MRPL1: variants seen among roughly 807,000 people sequenced by gnomAD.
MRPL1 encodes large ribosomal subunit protein uL1m.
A neutral mutation model predicts 38.0 loss-of-function variants in MRPL1; 28 were observed. That is an observed-to-expected ratio of 0.74 (90% CI 0.55 to 1.01). The LOEUF is 1.01. Ranked by LOEUF, MRPL1 falls within the 50% of genes least tolerant of loss-of-function variation. MRPL1 has a pLI of 0.00. For synonymous variants in MRPL1, 123 were observed against 126.7 expected, an observed-to-expected ratio of 0.97 and a Z score of 0.20; for missense variants, 358 against 389.8, an observed-to-expected ratio of 0.92 and a Z score of 0.69.
At chr4:77,943,551 G>A (rs1737182925) in intron 7 of MRPL1, among the ~76,000 whole-genome samples, 2 of 151,770 alleles carry the variant, frequency 1.3e-5, no homozygotes, top group Admixed American at 1.3e-4. Context: ...CTTTTTGGAG[G>A]CTTTGTTTAT....
At chr4:77,910,440 C>T (rs1375631117) in intron 7 of MRPL1, among the ~76,000 whole-genome samples, 1 of 152,176 alleles carries the variant, frequency 6.6e-6, no homozygotes, top group Admixed American at 6.5e-5. Context: ...CTGAGTGACA[C>T]AGCCTAGGCA....
At chr4:77,904,449 G>A (rs1736108772) in intron 6 of MRPL1, among the ~76,000 whole-genome samples, 1 of 152,136 alleles carries the variant, frequency 6.6e-6, no homozygotes, top group African/African-American at 2.4e-5. Flanking sequence ...AGCTACTTGG[G>A]AGGCTGAGGC....
intron 6 of MRPL1, among the ~76,000 whole-genome samples, chr4:77,897,005 C>T (rs1351573298): frequency 1.3e-5 from 2 of 152,076 alleles, no homozygotes; most frequent in African/African-American, 4.8e-5. Context: ...TTAATTAAAA[C>T]TTTTTTATTT....
intron 6 of MRPL1, among the ~76,000 whole-genome samples, chr4:77,902,579 T>C (rs1736060811): frequency 6.6e-6 from 1 of 151,520 alleles, no homozygotes; most frequent in Non-Finnish European, 1.5e-5. Context: ...AAAGCAAAAC[T>C]GGTTCTTTAA....
chr4:77,944,849 A>C (rs1251984164), intron 7 of MRPL1, among the ~76,000 whole-genome samples: 1 of 152,102 alleles, frequency 6.6e-6, no homozygotes, highest in Non-Finnish European at 1.5e-5. Context: ...AAGATCACGA[A>C]CTTGTAATAG....
chr4:77,876,855 G>T (rs1264393258), intron 2 of MRPL1, among the ~76,000 whole-genome samples: 2 of 151,912 alleles, frequency 1.3e-5, no homozygotes, highest in Non-Finnish European at 2.9e-5. Context: ...GTCTGGTTTT[G>T]TTTCTCTCTT....
chr4:77,940,113 A>T (rs574062442), intron 7 of MRPL1, among the ~76,000 whole-genome samples: 1 of 151,922 alleles, frequency 6.6e-6, no homozygotes, highest in Non-Finnish European at 1.5e-5. Flanking sequence ...GTTGCACTTA[A>T]TTTGTATATT....
At chr4:77,896,919 T>C (rs1735928524) in intron 6 of MRPL1, among the ~76,000 whole-genome samples, 1 of 152,164 alleles carries the variant, frequency 6.6e-6, no homozygotes, top group African/African-American at 2.4e-5. Flanking sequence ...TTGGTTTTAT[T>C]TTGCTTATCG....
chr4:77,945,581 C>A (rs1257357860), intron 7 of MRPL1, among the ~76,000 whole-genome samples: 1 of 151,890 alleles, frequency 6.6e-6, no homozygotes, highest in Admixed American at 6.6e-5. Flanking sequence ...ATCGGGGGAA[C>A]CTGCCCCCAA....
intron 7 of MRPL1, among the ~76,000 whole-genome samples, chr4:77,927,357 A>G (rs1736737715): frequency 6.6e-6 from 1 of 152,258 alleles, no homozygotes; most frequent in South Asian, 2.1e-4. Flanking sequence ...TTATGTTTTT[A>G]AAACATATTT....
chr4:77,947,861 G>A (rs1737307728), intron 7 of MRPL1, among the ~76,000 whole-genome samples: 1 of 151,978 alleles, frequency 6.6e-6, no homozygotes, highest in Non-Finnish European at 1.5e-5. Flanking sequence ...ATTCAGTAGA[G>A]GGCACAGTAC....
chr4:77,888,366 G>A (rs891569164), intron 5 of MRPL1, among the ~76,000 whole-genome samples: 6 of 152,160 alleles, frequency 3.9e-5, no homozygotes, highest in East Asian at 3.9e-4. Context: ...TTAGCCAGGC[G>A]TGGTGGCACA....
intron 7 of MRPL1, among the ~76,000 whole-genome samples, chr4:77,942,339 A>T (rs1018679656): frequency 1.3e-5 from 2 of 152,232 alleles, no homozygotes; most frequent in South Asian, 2.1e-4. Flanking sequence ...TATATTCTGC[A>T]GTTGTTGGGT....
At chr4:77,874,868 G>A (rs1297561783) in intron 2 of MRPL1, among the ~76,000 whole-genome samples, 4 of 147,980 alleles carry the variant, frequency 2.7e-5, no homozygotes, top group South Asian at 2.1e-4. Context: ...TGCAACCTCC[G>A]CCTCCCAGGT....
At chr4:77,942,635 G>A (rs1325273520) in intron 7 of MRPL1, among the ~76,000 whole-genome samples, 1 of 152,084 alleles carries the variant, frequency 6.6e-6, no homozygotes, top group Non-Finnish European at 1.5e-5. Flanking sequence ...TAATGTCTTT[G>A]TCTTTTCTAA....
chr4:77,898,515 G>A (rs986152994), intron 6 of MRPL1, among the ~76,000 whole-genome samples: 9 of 150,444 alleles, frequency 6.0e-5, no homozygotes, highest in East Asian at 1.9e-4. Context: ...TTTTTGAGAC[G>A]GAGTTTTGCT....
At chr4:77,935,935 A>AG (rs1736962925) in intron 7 of MRPL1, among the ~76,000 whole-genome samples, 1 of 142,150 alleles carries the variant, frequency 7.0e-6, no homozygotes, top group Non-Finnish European at 1.5e-5. Flanking sequence ...ATGTCTCAAA[A>AG]AAAAAAAAAA....
intron 7 of MRPL1, among the ~76,000 whole-genome samples, chr4:77,914,002 C>G (rs1391034727): frequency 6.6e-6 from 1 of 152,010 alleles, no homozygotes; most frequent in South Asian, 2.1e-4. Context: ...CAAAGGCACA[C>G]AGTAAATTTT....
At chr4:77,934,072 G>A (rs1025481132) in intron 7 of MRPL1, among the ~76,000 whole-genome samples, 13 of 152,234 alleles carry the variant, frequency 8.5e-5, no homozygotes, top group Non-Finnish European at 1.9e-4. Flanking sequence ...GGTATGAGCT[G>A]TTGTATAGAC....
Sources: gnomAD v4.1 joint callset for allele counts (sites outside exome capture counted in the v4.1 genomes callset) on GRCh38, gnomAD v4.1.1 for gene constraint, MANE v1.5 for transcripts, NCBI Gene and HGNC (gene_info 2026-07-23, HGNC 2026-07-21) for gene names.